The following INSL6 variants were observed in gnomAD, a reference collection of about 807,000 sequenced individuals.
INSL6 encodes insulin-like peptide INSL6.
INSL6 carries 16 observed loss-of-function variants against 9.4 expected under a neutral mutation model. The ratio of observed to expected loss-of-function variants is 1.70; its 90% confidence interval spans 1.15 to 2.59. The LOEUF (loss-of-function observed/expected upper bound fraction) is 2.59. INSL6 is among the 30% of genes most tolerant of loss of function. The pLI is 0.00. For missense variants in INSL6, 391 were observed against 257.3 expected (o/e 1.52, Z -3.56); for synonymous variants, 154 against 96.9 (o/e 1.59, Z -3.46).
At chr9:5,045,082 C>G in the INSL6 span, among the ~76,000 whole-genome samples, 1 of 152,140 alleles carries the variant, frequency 6.6e-6, no homozygotes, top group Non-Finnish European at 1.5e-5. Context: ...TTTCATAATG[C>G]TTTCTTCTCT....
At chr9:5,044,666 T>C in the INSL6 span, 1 of 522,334 alleles carries the variant, frequency 1.9e-6, no homozygotes. Flanking sequence ...CAAAATTGAG[T>C]CTTTTAGCAC....
At chr9:5,009,807 G>C in the INSL6 span, among the ~76,000 whole-genome samples, 2,175 of 149,910 alleles carry the variant, frequency 0.015, 65 homozygotes, top group African/African-American at 0.051. Flanking sequence ...GTCTTGCTCT[G>C]TTGCCCAGGC....
At chr9:5,021,954 C>G in the INSL6 span, 2 of 1,515,680 alleles carry the variant, frequency 1.3e-6, no homozygotes, top group Non-Finnish European at 1.8e-6. Flanking sequence ...TTATTGTTTT[C>G]TCTTACAGGC....
chr9:5,184,092 G>A (rs1183654472), intron 1 of INSL6, among the ~76,000 whole-genome samples: 1 of 152,188 alleles, frequency 6.6e-6, no homozygotes, highest in Non-Finnish European at 1.5e-5. Flanking sequence ...CAGTCTCATG[G>A]TTTCTGTCTT....
chr9:5,042,784 A>C, the INSL6 span, among the ~76,000 whole-genome samples: 1 of 152,172 alleles, frequency 6.6e-6, no homozygotes, highest in Non-Finnish European at 1.5e-5. Flanking sequence ...GGCCTCCCCA[A>C]AACTAAAGGG....
Position 5,127,319 on chromosome 9 carries a change from ATAAG to A in INSL6, c.*11-2812_*11-2809del, listed in dbSNP as rs1471303596. On this transcript the variant is annotated intron_variant, in intron 3 of 3. Coordinates refer to the INSL6 transcript ENST00000649639. ...CAAATTAAGATGTTCAGATAATTGA[ATAAG>A]TACCTTTGTGTCCTTGTTCATTTAT... is the stretch of plus-strand genomic sequence containing the variant. The A allele has an allele frequency of 2.0e-4, 46 of 232,252 alleles. 1 individual carries two copies. In the East Asian group the frequency reaches 2.8e-3, roughly 14 times the overall value. The allele number at this position is 232,252 out of a possible 1,614,324, so 14.4% of individuals were successfully genotyped here.
chr9:5,114,060 C>A, the INSL6 span: 10 of 332,604 alleles, frequency 3.0e-5, no homozygotes, highest in Non-Finnish European at 6.0e-5. Context: ...GGCCTCCACA[C>A]AAAGCAAGCT....
the INSL6 span, among the ~76,000 whole-genome samples, chr9:5,051,438 C>T: frequency 1.3e-5 from 2 of 151,950 alleles, no homozygotes; most frequent in East Asian, 3.9e-4. Context: ...CGTGGGGGAG[C>T]CTGTTAAAAT....
chr9:5,086,001 A>T, the INSL6 span: 1 of 858,508 alleles, frequency 1.2e-6, no homozygotes, highest in Non-Finnish European at 2.0e-6. Flanking sequence ...TGTGTGATGA[A>T]ACTGTGATAT....
chr9:5,005,638 C>T, the INSL6 span, among the ~76,000 whole-genome samples: 1 of 151,840 alleles, frequency 6.6e-6, no homozygotes, highest in Non-Finnish European at 1.5e-5. Flanking sequence ...TTTTCATGTC[C>T]TTACATATTT....
chr9:5,078,154 T>G, the INSL6 span: 1 of 551,638 alleles, frequency 1.8e-6, no homozygotes, highest in South Asian at 3.0e-5. Context: ...AGCATAGGAG[T>G]CATAAATTTC....
chr9:5,024,237 C>G, the INSL6 span, among the ~76,000 whole-genome samples: 1 of 152,050 alleles, frequency 6.6e-6, no homozygotes, highest in Admixed American at 6.6e-5. Context: ...GCCTGGGCGA[C>G]AGAGCGAGAC....
At chr9:5,041,206 G>T in the INSL6 span, 1 of 1,463,606 alleles carries the variant, frequency 6.8e-7, no homozygotes. Flanking sequence ...TGAAGCCCGA[G>T]AACTTCCTGG....
At chr9:5,163,487 T>C (rs2130904650), downstream of INSL6, among the ~76,000 whole-genome samples, 1 of 152,280 alleles carries the variant, frequency 6.6e-6, no homozygotes, top group African/African-American at 2.4e-5. Flanking sequence ...CCAGGAATGG[T>C]AGTTGATTCG....
At chr9:5,134,249 C>G (rs186628428) in intron 2 of INSL6, among the ~76,000 whole-genome samples, 22 of 152,266 alleles carry the variant, frequency 1.4e-4, no homozygotes, top group Admixed American at 1.1e-3. Context: ...GAGAATGGAA[C>G]CAAGTTGGAA....
chr9:5,123,191 A>G, downstream of INSL6: 1 of 1,078,762 alleles, frequency 9.3e-7, no homozygotes, highest in Non-Finnish European at 1.4e-6. Context: ...TATGGGGTAC[A>G]AGTACAATTT....
chr9:4,997,585 C>T, the INSL6 span, among the ~76,000 whole-genome samples: 1 of 152,194 alleles, frequency 6.6e-6, no homozygotes, highest in African/African-American at 2.4e-5. Context: ...CAGGCCTCAC[C>T]TCCAACATTG....
chr9:5,043,970 G>T, the INSL6 span, among the ~76,000 whole-genome samples: 56 of 152,278 alleles, frequency 3.7e-4, 1 homozygote, highest in South Asian at 0.011. Flanking sequence ...CTCAATAAAG[G>T]TGTTACTAAA....
At chr9:5,054,843 T>A in the INSL6 span, 1 of 1,610,372 alleles carries the variant, frequency 6.2e-7, no homozygotes, top group South Asian at 1.1e-5. This position sits in a 1 kb window ranked among gnomAD's most constrained non-coding sequence, Gnocchi z 4.9. Flanking sequence ...AATTCAGTGG[T>A]CAAGAGGGAA....
Sources: gnomAD v4.1 joint callset for allele counts (sites outside exome capture counted in the v4.1 genomes callset) on GRCh38, gnomAD v4.1.1 for gene constraint, Gnocchi (gnomAD v3.1) non-coding constraint, MANE v1.5 for transcripts, NCBI Gene and HGNC (gene_info 2026-07-23, HGNC 2026-07-21) for gene names.